The following PSME4 variants were observed in gnomAD, a reference collection of about 807,000 sequenced individuals.
The protein encoded by PSME4 is proteasome activator subunit 4, also known as proteasome activator complex subunit 4.
PSME4 carries 89 observed loss-of-function variants against 253.9 expected under a neutral mutation model. The observed-to-expected ratio is 0.35, with a 90% CI of 0.30 to 0.42. PSME4 has a LOEUF of 0.42. Among genes scored for constraint, PSME4 ranks in the 10% least tolerant of loss-of-function variants. The probability of loss-of-function intolerance (pLI) is 1.00; values close to 1 mark genes in which losing one functional copy is unlikely to be tolerated. For synonymous variants in PSME4, 851 were observed against 759.2 expected, an observed-to-expected ratio of 1.12 and a Z score of -1.99; for missense variants, 2,014 against 2,195.2, an observed-to-expected ratio of 0.92 and a Z score of 1.65.
Position 53,948,460 on chromosome 2 carries a change from T to A in PSME4, c.461A>T (p.Tyr154Phe), listed in dbSNP as rs767360015. The change falls in exon 3 of 47, where the codon TAT becomes TTT. Residue 154 changes from tyrosine to phenylalanine, a missense_variant. By Grantham distance (22) the Tyr-to-Phe change is conservative. Coordinates refer to ENST00000404125, the MANE Select transcript of PSME4 (RefSeq NM_014614.3). ...PLYDMVERIL[Y>F]SKTEHLGLNW... ...TAATCCTAGGTGCTCTGTCTTGGAA[T>A]ATAATATTCTTTCTACCATGTCATA... 6.2e-7 allele frequency: 1 copy of A among 1,613,186 alleles called. No homozygotes were observed. The highest frequency in any genetic ancestry group is 1.3e-5 in the African/African-American group (1 of 75,036).
At chr2:53,963,769 T>C (rs999161428) in intron 1 of PSME4, among the ~76,000 whole-genome samples, 8 of 152,212 alleles carry the variant, frequency 5.3e-5, no homozygotes, top group African/African-American at 1.7e-4. Flanking sequence ...CAGAACCTTA[T>C]GAGATTGATC....
chr2:53,898,567 A>G (rs1409444596), intron 29 of PSME4, among the ~76,000 whole-genome samples: 1 of 150,640 alleles, frequency 6.6e-6, no homozygotes, highest in African/African-American at 2.4e-5. Flanking sequence ...GGAAGAGTGA[A>G]CTCAACTTTT....
chr2:53,952,002 G>A (rs1376901176), intron 1 of PSME4, among the ~76,000 whole-genome samples: 2 of 152,188 alleles, frequency 1.3e-5, no homozygotes, highest in Admixed American at 6.5e-5. Context: ...AAATTTAGGA[G>A]CAAAAGCTAG....
intron 1 of PSME4, among the ~76,000 whole-genome samples, chr2:53,964,249 C>G (rs962849965): frequency 6.6e-6 from 1 of 152,042 alleles, no homozygotes; most frequent in Non-Finnish European, 1.5e-5. Flanking sequence ...CAAATGTATG[C>G]ATGTGTAGAG....
At position 53,936,677 on chromosome 2, in the gene PSME4, A is replaced by G; in HGVS notation, c.759+87T>C. The G allele has an allele frequency of 3.2e-6, 3 of 931,724 alleles. No homozygotes were observed. In the South Asian group the frequency reaches 6.1e-5, roughly 19 times the overall value. The allele number at this position is 931,724 out of a possible 1,614,324, so 57.7% of individuals were successfully genotyped here. A position where few individuals can be genotyped will look rare whatever the true frequency, so the allele number is the denominator to read the frequency against. ...AAGTTACTTACCAAATGATCTATTA[A>G]TATTTATCTCCAAATTAAAAAAGTA... is the stretch of plus-strand genomic sequence containing the variant. On this transcript the variant is annotated intron_variant, in intron 6 of 46. Transcript: ENST00000404125.
In PSME4 at chr2:53,920,951, T is replaced by C. The variant is rs752155882; in HGVS notation, c.2200A>G (p.Thr734Ala). ...LLRSTTLIYPTEYCSVPGGFD... is the reference protein window; with the variant it reads ...LLRSTTLIYPAEYCSVPGGFD... ...CCACCTGGCACACTGCAGTATTCTG[T>C]AGGGTAGATAAGTGTGGTAGAACGG... Residue 734 changes from threonine (T) to alanine (A), a missense_variant, in exon 18 of 47, where the codon ACA becomes GCA. Physicochemically the swap from Thr to Ala is moderately conservative, Grantham distance 58. Around this residue, in one of 4 missense-constraint regions of PSME4, gnomAD observed 989 missense variants for 1,021.1 expected, o/e 0.97. Transcript: ENST00000404125. 8.7e-6 allele frequency: 14 copies of C among 1,613,766 alleles called. 1 individual carries two copies. The highest frequency in any genetic ancestry group is 6.6e-5 in the South Asian group (6 of 91,084).
At chr2:53,957,184 T>C (rs1431856378) in intron 1 of PSME4, among the ~76,000 whole-genome samples, 1 of 152,180 alleles carries the variant, frequency 6.6e-6, no homozygotes, top group East Asian at 1.9e-4. Context: ...CCCAAACTTT[T>C]TGGCACTTAA....
chr2:53,929,553 C>A (rs1210137586), intron 10 of PSME4, among the ~76,000 whole-genome samples: 1 of 150,626 alleles, frequency 6.6e-6, no homozygotes, highest in African/African-American at 2.4e-5. Context: ...CCTCAGACTT[C>A]CAAAGTCCTG....
rs557440220 is a variant in PSME4, at chr2:53,966,949, C to T, written c.242+3594G>A. ...TCCTGACCTCGTGATCCGTCTGCCTCGGCCTCCCAAAGTGCTGGGATTACA... is the reference window on the plus strand; with the variant it reads ...TCCTGACCTCGTGATCCGTCTGCCTTGGCCTCCCAAAGTGCTGGGATTACA... On this transcript the variant is annotated intron_variant, in intron 1 of 46. Transcript: ENST00000404125. Among the ~76,000 whole-genome samples, 6 of 152,218 alleles carry T rather than the reference C, an allele frequency of 3.9e-5. No homozygotes were observed. The East Asian group carries it at 7.7e-4, about 20-fold the overall frequency.
chr2:53,906,940 A>G, intron 24 of PSME4, 72 bp from the exon 25 acceptor site: 1 of 1,414,586 alleles, frequency 7.1e-7, no homozygotes, highest in Non-Finnish European at 9.9e-7. Context: ...GCCTCTAAAT[A>G]CCTTAATAAG....
At chr2:53,878,344 G>C (rs1405982385) in intron 41 of PSME4, among the ~76,000 whole-genome samples, 1 of 152,086 alleles carries the variant, frequency 6.6e-6, no homozygotes, top group South Asian at 2.1e-4. Flanking sequence ...ATCTTCATAA[G>C]CTGAGGATGA....
intron 33 of PSME4, 122 bp from the exon 34 acceptor site, chr2:53,895,198 G>A (rs1680087500): frequency 3.9e-6 from 3 of 767,486 alleles, no homozygotes; most frequent in Admixed American, 2.7e-5. Context: ...GGGGAGATGA[G>A]TACAGCAGTA....
At chr2:53,948,567 G>A (rs761826396) in intron 2 of PSME4, 30 bp from the exon 3 acceptor site, 1 of 1,281,424 alleles carries the variant, frequency 7.8e-7, no homozygotes, top group Non-Finnish European at 1.1e-6. Context: ...AAATACCTAT[G>A]TATGCATATG....
intron 5 of PSME4, 147 bp downstream of exon 5, chr2:53,937,244 C>T: frequency 1.3e-6 from 1 of 751,176 alleles, no homozygotes; most frequent in Non-Finnish European, 2.1e-6. Flanking sequence ...CCGTTTTAGC[C>T]TTAACACACT....
chr2:53,896,737 A>T, intron 32 of PSME4, 67 bp downstream of exon 32: 1 of 1,215,870 alleles, frequency 8.2e-7, no homozygotes, highest in Non-Finnish European at 1.2e-6. Flanking sequence ...ACTAGAATTT[A>T]TACATGTCAA....
In PSME4 at chr2:53,940,970, T is replaced by TATATAC. The variant is rs1669410115; in HGVS notation, c.501-971_501-970insGTATAT. On this transcript the variant is annotated intron_variant, in intron 3 of 46. Transcript: ENST00000404125. The stretch of plus-strand genomic sequence containing the variant: ...ATATATACATATATATATATATATA[T>TATATAC]ATATATATATATATATATATATATA... Among the ~76,000 whole-genome samples, 5 of 67,068 alleles carry TATATAC rather than the reference T, an allele frequency of 7.5e-5. 1 individual carries two copies. The highest frequency in any genetic ancestry group is 1.7e-4 in the Non-Finnish European group (5 of 29,542). The allele number at this position is 67,068 out of a possible 152,430, so 44.0% of individuals were successfully genotyped here. A position where few individuals can be genotyped will look rare whatever the true frequency, so the allele number is the denominator to read the frequency against.
At chr2:53,912,855 T>C (rs549874005) in intron 20 of PSME4, among the ~76,000 whole-genome samples, 7 of 152,354 alleles carry the variant, frequency 4.6e-5, no homozygotes, top group Non-Finnish European at 7.4e-5. Flanking sequence ...TGTGACATTA[T>C]AGATCTCATT....
chr2:53,875,489 A>G (rs1679076805), intron 42 of PSME4, 138 bp downstream of exon 42: 2 of 770,542 alleles, frequency 2.6e-6, no homozygotes. Context: ...TTCTTTGGTC[A>G]ATATATATGT....
intron 41 of PSME4, among the ~76,000 whole-genome samples, chr2:53,881,000 G>GA (rs911599633): frequency 3.0e-4 from 46 of 151,878 alleles, no homozygotes; most frequent in Non-Finnish European, 5.9e-4. Context: ...CTACCATTAC[G>GA]AAAAAAATGT....
Sources: allele counts gnomAD v4.1 joint callset (sites outside exome capture counted in the v4.1 genomes callset), GRCh38; gene constraint gnomAD v4.1.1; regional missense constraint gnomAD v4.1.1; transcripts MANE v1.5; gene names NCBI Gene and HGNC (gene_info 2026-07-23, HGNC 2026-07-21).